SEMA3A: variants seen among roughly 807,000 people sequenced by gnomAD.
The protein encoded by SEMA3A is semaphorin 3A.
Under a neutral mutation model 97.9 loss-of-function variants are expected in SEMA3A, and 29 were observed. That is an observed-to-expected ratio of 0.30 (90% confidence interval 0.22 to 0.40). The LOEUF (loss-of-function observed/expected upper bound fraction) is 0.40, where lower values mean the gene tolerates loss of function less well. Ranked by LOEUF, SEMA3A falls within the 10% of genes least tolerant of loss-of-function variation. The pLI is 1.00. For synonymous variants in SEMA3A, 321 were observed against 323.7 expected, an observed-to-expected ratio of 0.99 and a Z score of 0.09; for missense variants, 763 against 951.3, an observed-to-expected ratio of 0.80 and a Z score of 2.60.
At chr7:84,371,053 T>C (rs1314506910) in intron 2 of SEMA3A, among the ~76,000 whole-genome samples, 2 of 151,682 alleles carry the variant, frequency 1.3e-5, no homozygotes, top group Non-Finnish European at 3.0e-5. Flanking sequence ...ATATCTACCC[T>C]ATCTAACATA....
intron 1 of SEMA3A, among the ~76,000 whole-genome samples, chr7:84,389,387 A>G (rs753282788): frequency 3.9e-5 from 6 of 152,024 alleles, no homozygotes; most frequent in Admixed American, 2.6e-4. Context: ...GTATGTAATG[A>G]TGCACCCTGA....
chr7:84,127,173 A>C (rs1795825717), intron 3 of SEMA3A, among the ~76,000 whole-genome samples: 1 of 151,848 alleles, frequency 6.6e-6, no homozygotes, highest in African/African-American at 2.4e-5. Context: ...TCCGATTTCC[A>C]TGTTCATCTC....
Position 84,159,369 on chromosome 7 carries a change from T to TA in SEMA3A, c.113-24419dup, listed in dbSNP as rs905192047. Among the ~76,000 whole-genome samples the TA allele has an allele frequency of 5.3e-5, 8 of 151,830 alleles. No homozygotes were observed. In the South Asian group the frequency reaches 8.3e-4, roughly 16 times the overall value. The stretch of plus-strand genomic sequence containing the variant: ...GTTACATCTTGCAAGAACAGCAATT[T>TA]AAAAAAAAATCTTTTTCCGTACCTT... On this transcript the variant is annotated intron_variant, in intron 1 of 16. Coordinates refer to ENST00000265362, the MANE Select transcript of SEMA3A (RefSeq NM_006080.3).
intron 5 of SEMA3A, among the ~76,000 whole-genome samples, chr7:84,055,792 T>C (rs1229269430): frequency 6.6e-6 from 1 of 152,316 alleles, no homozygotes; most frequent in Middle Eastern, 3.4e-3. Flanking sequence ...CTAATAGAAG[T>C]CTTTTTGAAA....
rs1306188697 is a variant in SEMA3A at position 84,032,129 on chromosome 7, G to A, written c.667+14195C>T. Reference sequence around the variant, plus strand: ...GCCACCTGTTTCCTAGGGCATGCTAGGAGTTCAAGTGCTCATTAGAGGATG... The same window carrying A: ...GCCACCTGTTTCCTAGGGCATGCTAAGAGTTCAAGTGCTCATTAGAGGATG... On this transcript the variant is annotated intron_variant, in intron 6 of 16. Transcript: ENST00000265362. Among the ~76,000 whole-genome samples the A allele has an allele frequency of 3.9e-5, 6 of 152,150 alleles. No individual in the cohort carries two copies. The South Asian group carries it at 1.0e-3, about 26-fold the overall frequency.
chr7:84,269,956 A>C (rs1800102490), intron 3 of SEMA3A, among the ~76,000 whole-genome samples: 2 of 152,160 alleles, frequency 1.3e-5, no homozygotes, highest in Non-Finnish European at 2.9e-5. Flanking sequence ...TAAAGAAAGC[A>C]ATTTCTTTAT....
At chr7:84,473,371 T>TGTATTATTATTATTATTATA (rs1272401209) in intron 1 of SEMA3A, among the ~76,000 whole-genome samples, 2 of 148,886 alleles carry the variant, frequency 1.3e-5, no homozygotes, top group Non-Finnish European at 3.0e-5. Flanking sequence ...TTTATATTTT[T>TGTATTATTATTATTATTATA]GTATTATTAT....
At chr7:84,373,598 T>C (rs922365645) in intron 1 of SEMA3A, among the ~76,000 whole-genome samples, 2 of 152,208 alleles carry the variant, frequency 1.3e-5, no homozygotes, top group Non-Finnish European at 1.5e-5. Flanking sequence ...GGCAAAGCTC[T>C]AAATTTGTTC....
Position 83,963,302 on chromosome 7 carries a change from A to G in SEMA3A, c.1763T>C (p.Val588Ala). 6.2e-7 allele frequency: 1 copy of G among 1,613,700 alleles called. No homozygotes were observed. ...TTCCAAAAATGTGCTACTATTCTCT[A>G]CACCATAGATGATTCTCTCTTCAGG... The part of the protein sequence containing the change: ...HSPEERIIYG[V>A]ENSSTFLECS... Residue 588 changes from valine (V) to alanine (A), a missense_variant, in exon 16 of 17, where the codon GTA (valine) becomes GCA (alanine). Val to Ala is a moderately conservative substitution (Grantham distance 64). Around this residue, in one of 2 missense-constraint regions of SEMA3A, gnomAD observed 678 missense variants for 881.3 expected, o/e 0.77. Coordinates refer to ENST00000265362, the MANE Select transcript of SEMA3A (RefSeq NM_006080.3).
chr7:84,175,228 A>G (rs963887892), intron 1 of SEMA3A, among the ~76,000 whole-genome samples: 1 of 152,206 alleles, frequency 6.6e-6, no homozygotes, highest in Non-Finnish European at 1.5e-5. Context: ...TGGGTTTGCC[A>G]TGATGATTAC....
intron 6 of SEMA3A, among the ~76,000 whole-genome samples, chr7:84,018,223 C>T (rs1345431790): frequency 4.6e-5 from 7 of 152,208 alleles, no homozygotes; most frequent in Non-Finnish European, 1.0e-4. Flanking sequence ...CCTTCACCTC[C>T]GAATTTCTCT....
At chr7:84,368,524 T>C (rs1273356723) in intron 2 of SEMA3A, among the ~76,000 whole-genome samples, 2 of 150,994 alleles carry the variant, frequency 1.3e-5, no homozygotes, top group Non-Finnish European at 3.0e-5. Context: ...TGTTATTGTT[T>C]TAATGTACTG....
At chr7:84,429,517 T>TTTATATATATATATATATAC (rs35529456) in intron 1 of SEMA3A, among the ~76,000 whole-genome samples, 1 of 21,118 alleles carries the variant, frequency 4.7e-5, no homozygotes, top group Non-Finnish European at 8.3e-5. Flanking sequence ...TAGAGTTTGT[T>TTTATATATATATATATATAC]ATATATATAT....
intron 3 of SEMA3A, among the ~76,000 whole-genome samples, chr7:84,273,225 T>A (rs1442824352): frequency 2.6e-5 from 4 of 152,138 alleles, no homozygotes; most frequent in African/African-American, 9.7e-5. Flanking sequence ...ATCTTTGATA[T>A]TCTTTAAACT....
At chr7:84,302,319 A>C (rs543770596) in intron 3 of SEMA3A, among the ~76,000 whole-genome samples, 1 of 152,300 alleles carries the variant, frequency 6.6e-6, no homozygotes, top group African/African-American at 2.4e-5. Flanking sequence ...TATACACTTC[A>C]TTAAAACTCA....
At chr7:84,353,517 G>A (rs932757394) in intron 2 of SEMA3A, among the ~76,000 whole-genome samples, 4 of 151,234 alleles carry the variant, frequency 2.6e-5, no homozygotes, top group African/African-American at 9.7e-5. Flanking sequence ...AGTATTTTGG[G>A]GTATACTTTC....
chr7:84,240,930 T>C (rs554343750), intron 3 of SEMA3A, among the ~76,000 whole-genome samples: 1 of 152,294 alleles, frequency 6.6e-6, no homozygotes, highest in Non-Finnish European at 1.5e-5. Context: ...TCAAAGAACA[T>C]GAATTCATCC....
intron 1 of SEMA3A, among the ~76,000 whole-genome samples, chr7:84,379,547 T>A (rs1421504590): frequency 2.0e-5 from 3 of 152,266 alleles, no homozygotes; most frequent in East Asian, 1.9e-4. Flanking sequence ...ACTGAATTCA[T>A]CTATAAAACA....
At chr7:84,050,550 G>A (rs1792578505) in intron 5 of SEMA3A, among the ~76,000 whole-genome samples, 1 of 151,966 alleles carries the variant, frequency 6.6e-6, no homozygotes, top group African/African-American at 2.4e-5. Context: ...ACTTTTTGAT[G>A]GGGTTGTATG....
Sources: gnomAD v4.1 joint callset for allele counts (sites outside exome capture counted in the v4.1 genomes callset) on GRCh38, gnomAD v4.1.1 for gene constraint, gnomAD v4.1.1 regional missense constraint, MANE v1.5 for transcripts, NCBI Gene and HGNC (gene_info 2026-07-23, HGNC 2026-07-21) for gene names.